Variants in ANAPC4 observed in about 807,000 individuals in gnomAD.
ANAPC4 encodes the protein anaphase promoting complex subunit 4.
A neutral mutation model predicts 119.8 loss-of-function variants in ANAPC4; 63 were observed. The observed-to-expected ratio is 0.53, with a 90% CI of 0.43 to 0.65. The LOEUF is 0.65. ANAPC4 is among the 30% of genes least tolerant of loss of function. ANAPC4 has a pLI of 0.00. For missense variants in ANAPC4, 716 were observed against 945.1 expected (o/e 0.76, Z 3.18); for synonymous variants, 283 against 318.6 (o/e 0.89, Z 1.19).
chr4:25,412,666 G>A (rs562211268), intron 21 of ANAPC4, among the ~76,000 whole-genome samples: 16 of 151,764 alleles, frequency 1.1e-4, no homozygotes, highest in African/African-American at 2.7e-4. Flanking sequence ...CAGGAGAATC[G>A]CTTGAATCCG....
intron 7 of ANAPC4, among the ~76,000 whole-genome samples, chr4:25,389,436 C>T (rs1422078966): frequency 6.6e-6 from 1 of 151,948 alleles, no homozygotes; most frequent in Non-Finnish European, 1.5e-5. Flanking sequence ...GGATTACAGG[C>T]GTGAGCCACC....
chr4:25,383,101 A>C (rs1331721728), intron 3 of ANAPC4, among the ~76,000 whole-genome samples, 160 bp from the exon 4 acceptor site: 1 of 152,196 alleles, frequency 6.6e-6, no homozygotes, highest in East Asian at 1.9e-4. Context: ...ATATGCAAAT[A>C]TTTCTTTTTT....
intron 21 of ANAPC4, among the ~76,000 whole-genome samples, chr4:25,412,765 A>AG (rs1026380665): frequency 1.6e-4 from 24 of 151,746 alleles, no homozygotes; most frequent in African/African-American, 5.8e-4. Flanking sequence ...AAAAGAAAAA[A>AG]AAAAATGTTC....
intron 21 of ANAPC4, among the ~76,000 whole-genome samples, chr4:25,412,758 A>C (rs201027145): frequency 7.9e-6 from 1 of 127,184 alleles, no homozygotes; most frequent in Non-Finnish European, 1.6e-5. Flanking sequence ...CTTTAAAAAA[A>C]GAAAAAAAAA....
At chr4:25,411,996 C>T (rs1723594909) in intron 21 of ANAPC4, among the ~76,000 whole-genome samples, 2 of 152,192 alleles carry the variant, frequency 1.3e-5, no homozygotes, top group South Asian at 4.1e-4. Context: ...TGGGTCCCCA[C>T]ATCTCTTGGG....
At position 25,380,375 on chromosome 4, in the gene ANAPC4, T is replaced by C; in HGVS notation, c.131T>C (p.Val44Ala). Reference protein sequence around the residue: ...LIALANTAGEVLLHRLASFHR... With the variant: ...LIALANTAGEALLHRLASFHR... ...GCCATTATATCTGCTTTGTCTTAGG[T>C]TTTACTTCATCGACTGGCAAGTTTT... The change falls in exon 3 of 29, where the codon GTT becomes GCT. Residue 44 changes from valine (V) to alanine (A), a missense_variant and splice_region_variant. This residue lies in a region of ANAPC4 where 202 missense variants were observed against 293.5 expected (regional missense o/e 0.69). Coordinates refer to ENST00000315368, the MANE Select transcript of ANAPC4 (RefSeq NM_013367.3). The C allele has an allele frequency of 2.5e-6, 4 of 1,610,540 alleles. No homozygotes were observed. The highest frequency in any genetic ancestry group is 3.4e-6 in the Non-Finnish European group (4 of 1,177,714).
chr4:25,415,892 G>T (rs868862306), intron 26 of ANAPC4: 10 of 194,522 alleles, frequency 5.1e-5, no homozygotes, highest in Middle Eastern at 1.9e-3. Context: ...AGTGATGGGA[G>T]ATTTTCTTAG....
At chr4:25,406,794 A>G (rs761280016) in intron 18 of ANAPC4, 35 bp from the exon 19 acceptor site, 1 of 1,500,122 alleles carries the variant, frequency 6.7e-7, no homozygotes, top group Non-Finnish European at 9.1e-7. Flanking sequence ...GCTTTCTTTT[A>G]TCTTGATTTT....
chr4:25,410,385 A>G (rs6849634), intron 21 of ANAPC4, among the ~76,000 whole-genome samples: 61,770 of 152,086 alleles, frequency 0.41, 14,596 homozygotes, highest in Non-Finnish European at 0.52. Context: ...GACCAGATTT[A>G]GCAATTGCTT....
At chr4:25,391,585 T>G (rs1413333320) in intron 9 of ANAPC4, among the ~76,000 whole-genome samples, 2 of 152,244 alleles carry the variant, frequency 1.3e-5, no homozygotes, top group African/African-American at 4.8e-5. Context: ...GGGAAAATGC[T>G]TTATTGCGTG....
intron 4 of ANAPC4, among the ~76,000 whole-genome samples, chr4:25,386,544 C>T (rs1722048356): frequency 6.6e-6 from 1 of 152,140 alleles, no homozygotes; most frequent in African/African-American, 2.4e-5. Context: ...TGGTTTGTGG[C>T]ACCCCTAAAC....
intron 17 of ANAPC4, 69 bp downstream of exon 17, chr4:25,403,095 T>C: frequency 8.5e-7 from 1 of 1,180,104 alleles, no homozygotes; most frequent in Non-Finnish European, 1.2e-6. Context: ...TATCTTAGAC[T>C]GTTTCAATAA....
At chr4:25,400,631 G>C (rs1483128054) in intron 16 of ANAPC4, among the ~76,000 whole-genome samples, 1 of 152,202 alleles carries the variant, frequency 6.6e-6, no homozygotes, top group African/African-American at 2.4e-5. Flanking sequence ...CTGCAGGAGT[G>C]GGGCACAGAG....
In ANAPC4 at chr4:25,418,239, G is replaced by T; in HGVS notation, c.2284G>T (p.Glu762Ter). The T allele has an allele frequency of 6.2e-7, 1 of 1,614,102 alleles. No homozygotes were observed. Among genetic ancestry groups the T allele is most frequent in the Non-Finnish European group, 8.5e-7 (1 of 1,179,972 alleles). ...WELDESSDEE[E>*]EASNKPVKIK... ...GCTCGATGAGTCTTCAGATGAAGAG[G>T]AGGAGGCCAGTAATAAGCCTGTAAA... The change falls in exon 29 of 29, where the codon GAG (glutamate) becomes TAG (stop). Residue 762 changes from glutamate to a stop codon, truncating the protein, a stop_gained. Coordinates refer to ENST00000315368, the MANE Select transcript of ANAPC4 (RefSeq NM_013367.3). LOFTEE classifies it low-confidence loss of function (END_TRUNC).
intron 21 of ANAPC4, among the ~76,000 whole-genome samples, chr4:25,411,044 T>C (rs1723533614): frequency 6.6e-6 from 1 of 152,170 alleles, no homozygotes; most frequent in Non-Finnish European, 1.5e-5. Flanking sequence ...AGAGAATTCT[T>C]TGATGCCAAG....
In ANAPC4 at chr4:25,409,763, C is replaced by G; in HGVS notation, c.1497C>G (p.Asp499Glu). ...PPNTEGNQWY[D>E]FLQNSSHLKE... ...ACACAGAAGGAAACCAGTGGTATGA[C>G]TTTCTTCAAAATAGCAGCCACCTTA... Residue 499 changes from aspartate to glutamate, a missense_variant, in exon 21 of 29, where the codon GAC becomes GAG. Coordinates refer to ENST00000315368, the MANE Select transcript of ANAPC4 (RefSeq NM_013367.3). The G allele has an allele frequency of 6.2e-7, 1 of 1,613,402 alleles. No homozygotes were observed. The highest frequency in any genetic ancestry group is 8.5e-7 in the Non-Finnish European group (1 of 1,179,618).
chr4:25,400,654 T>A (rs975900500), intron 16 of ANAPC4, among the ~76,000 whole-genome samples: 1 of 152,114 alleles, frequency 6.6e-6, no homozygotes, highest in African/African-American at 2.4e-5. Context: ...GGGGAGCAGT[T>A]AGATTTACCA....
chr4:25,408,451 A>G (rs1005032493), intron 20 of ANAPC4, among the ~76,000 whole-genome samples: 1 of 152,002 alleles, frequency 6.6e-6, no homozygotes, highest in African/African-American at 2.4e-5. Context: ...GCTAGATTTC[A>G]TTAATAGCAC....
In ANAPC4 at chr4:25,414,318, A is replaced by G; in HGVS notation, c.1624-6A>G. On this transcript the variant is annotated splice_polypyrimidine_tract_variant and splice_region_variant and intron_variant, in intron 22 of 28. Coordinates refer to ENST00000315368, the MANE Select transcript of ANAPC4 (RefSeq NM_013367.3). Reference sequence around the variant, plus strand: ...TAATTATATTTTAAAATCTTATTTTATATAGGATGTAATTGGAAAATCGAT... The same window carrying G: ...TAATTATATTTTAAAATCTTATTTTGTATAGGATGTAATTGGAAAATCGAT... 1 of 1,529,048 alleles carries G rather than the reference A, an allele frequency of 6.5e-7. No homozygotes were observed. Among genetic ancestry groups the G allele is most frequent in the Non-Finnish European group, 9.0e-7 (1 of 1,112,368 alleles). The allele number at this position is 1,529,048 out of a possible 1,614,324, so 94.7% of individuals were successfully genotyped here. A position where few individuals can be genotyped will look rare whatever the true frequency, so the allele number is the denominator to read the frequency against.
Sources: allele counts gnomAD v4.1 joint callset (sites outside exome capture counted in the v4.1 genomes callset), GRCh38; gene constraint gnomAD v4.1.1; regional missense constraint gnomAD v4.1.1; transcripts MANE v1.5; gene names NCBI Gene and HGNC (gene_info 2026-07-23, HGNC 2026-07-21).